Variants in NSD3 observed in about 807,000 individuals in gnomAD.
The protein encoded by NSD3 is histone-lysine N-methyltransferase NSD3.
A neutral mutation model predicts 160.8 loss-of-function variants in NSD3; 24 were observed. The ratio of observed to expected loss-of-function variants is 0.15; its 90% CI spans 0.11 to 0.21. The LOEUF (loss-of-function observed/expected upper bound fraction) is 0.21. Ranked by LOEUF, NSD3 falls within the 10% of genes least tolerant of loss-of-function variation. NSD3 has a pLI of 1.00. For synonymous variants in NSD3, 520 were observed against 600.0 expected (o/e 0.87, Z 1.95); for missense variants, 1,157 against 1,735.9 (o/e 0.67, Z 5.93).
At chr8:38,373,172 T>C (rs1811299216) in intron 1 of NSD3, among the ~76,000 whole-genome samples, 2 of 152,148 alleles carry the variant, frequency 1.3e-5, no homozygotes, top group African/African-American at 4.8e-5. Flanking sequence ...AGGTTGTCTC[T>C]GCAGCTTTTC....
chr8:38,313,062 C>T (rs2131018328), intron 12 of NSD3, among the ~76,000 whole-genome samples: 1 of 152,208 alleles, frequency 6.6e-6, no homozygotes, highest in South Asian at 2.1e-4. Context: ...ATAATATGAC[C>T]CCGGGGCTGC....
At chr8:38,367,763 C>A (rs1318302846) in intron 1 of NSD3, among the ~76,000 whole-genome samples, 1 of 152,040 alleles carries the variant, frequency 6.6e-6, no homozygotes, top group Admixed American at 6.6e-5. Flanking sequence ...ATCACCTTAA[C>A]ATTATTTAAG....
chr8:38,372,848 C>A lies in NSD3; in HGVS notation c.-45+8951G>T, dbSNP rs540679809. The stretch of plus-strand genomic sequence containing the variant: ...AAAAAAAACCACCAGCCGGGCGCGG[C>A]GGTTCACGCCTGGCCAATATAGCGA... On this transcript the variant is annotated intron_variant, in intron 1 of 23. Transcript: ENST00000317025. Among the ~76,000 whole-genome samples, 93 of 148,512 alleles carry A rather than the reference C, an allele frequency of 6.3e-4. 2 individuals carry two copies. The South Asian group carries it at 0.018, about 29-fold the overall frequency.
chr8:38,338,746 G>T (rs943921533), intron 2 of NSD3, 139 bp from the exon 3 acceptor site: 1 of 679,382 alleles, frequency 1.5e-6, no homozygotes, highest in African/African-American at 1.8e-5. Flanking sequence ...ACAATGTAAG[G>T]AGTAAGAATA....
At chr8:38,339,303 A>G (rs563102111) in intron 2 of NSD3, among the ~76,000 whole-genome samples, 1 of 152,320 alleles carries the variant, frequency 6.6e-6, no homozygotes, top group East Asian at 1.9e-4. Flanking sequence ...AAAACATTAA[A>G]TTTTCAGACT....
intron 1 of NSD3, among the ~76,000 whole-genome samples, chr8:38,360,755 TA>T (rs1007702189): frequency 1.7e-4 from 25 of 150,462 alleles, no homozygotes; most frequent in Admixed American, 2.0e-4. Flanking sequence ...TCTGCTTGCT[TA>T]AAAAAAAAAT....
chr8:38,319,152 C>G lies in NSD3; in HGVS notation c.1810-212G>C. The G allele has an allele frequency of 1.9e-6, 1 of 522,582 alleles. No homozygotes were observed. The highest frequency in any genetic ancestry group is 3.4e-6 in the Non-Finnish European group (1 of 292,870). 32.4% of individuals were successfully genotyped at this position (522,582 alleles called of 1,614,324 possible). A position where few individuals can be genotyped will look rare whatever the true frequency, so the allele number is the denominator to read the frequency against. Reference sequence around the variant, plus strand: ...GCCTGTGCTGAATATCAAGTGACAACACACAGCCACATGCTCTCTAGCAAA... The same window carrying G: ...GCCTGTGCTGAATATCAAGTGACAAGACACAGCCACATGCTCTCTAGCAAA... On this transcript the variant is annotated intron_variant, in intron 8 of 23. Transcript: ENST00000317025. The surrounding 1 kb of genome is among the most constrained non-coding windows in gnomAD (Gnocchi z 4.1).
Position 38,348,060 on chromosome 8 carries a change from T to G in NSD3, c.112A>C (p.Ser38Arg). 1.2e-6 allele frequency: 2 copies of G among 1,614,194 alleles called. No homozygotes were observed. Among genetic ancestry groups the G allele is most frequent in the Non-Finnish European group, 1.7e-6 (2 of 1,180,032 alleles). ...TGGCCACCATCTTCAGCAATGTCAC[T>G]GTTGTTATCAAAGGCATCCTCCTGA... ...IRQEDAFDNNSDIAEDGGQTP... is the reference protein window; with the variant it reads ...IRQEDAFDNNRDIAEDGGQTP... The change falls in exon 2 of 24, where the codon AGT becomes CGT. Residue 38 changes from serine (S) to arginine (R), a missense_variant. Ser to Arg is a moderately radical substitution (Grantham distance 110, BLOSUM62 -1). Transcript: ENST00000317025.
intron 12 of NSD3, among the ~76,000 whole-genome samples, chr8:38,311,420 G>A (rs182090818): frequency 3.3e-5 from 5 of 151,998 alleles, no homozygotes; most frequent in Admixed American, 1.3e-4. Context: ...CTCTGCCTCC[G>A]AGGTTCAACG....
rs201914561 is a variant in NSD3, at chr8:38,281,516, C to T, written c.3569G>A (p.Arg1190Gln). Reference sequence around the variant, plus strand: ...ATTAGTTACACTGTTCTCGTGGGCTCGCTTGATTCGCAATCTGCATTCTTC... The same window carrying T: ...ATTAGTTACACTGTTCTCGTGGGCTTGCTTGATTCGCAATCTGCATTCTTC... ...DEEECRLRIK[R>Q]AHENSVTNFY... The change falls in exon 20 of 24, where the codon CGA becomes CAA. Residue 1190 changes from arginine (R) to glutamine (Q), a missense_variant. Transcript: ENST00000317025. 2.4e-5 allele frequency: 38 copies of T among 1,604,002 alleles called. No homozygotes were observed. The highest frequency in any genetic ancestry group is 1.7e-4 in the Middle Eastern group (1 of 6,032).
rs1810572345 is a variant in NSD3 at position 38,347,763 on chromosome 8, G to A, written c.409C>T (p.Pro137Ser). The change falls in exon 2 of 24, where the codon CCT becomes TCT. Residue 137 changes from proline to serine, a missense_variant. By Grantham distance (74) the Pro-to-Ser change is moderately conservative (BLOSUM62 -1). Around this residue, in one of 10 missense-constraint regions of NSD3, gnomAD observed 121 missense variants for 177.2 expected, o/e 0.68. Coordinates refer to ENST00000317025, the MANE Select transcript of NSD3 (RefSeq NM_023034.2). ...KPSPPQPPPP[P>S]SVPQTVIPKK... ...GGAATCACAGTTTGTGGTACCGAAG[G>A]AGGAGGTGGTGGCTGTGGAGGGGAA... 1 of 1,613,228 alleles carries A rather than the reference G, an allele frequency of 6.2e-7. No homozygotes were observed. The highest frequency in any genetic ancestry group is 8.5e-7 in the Non-Finnish European group (1 of 1,180,028).
At chr8:38,338,039 C>T (rs549342467) in intron 3 of NSD3, among the ~76,000 whole-genome samples, 5 of 152,084 alleles carry the variant, frequency 3.3e-5, no homozygotes, top group Admixed American at 6.5e-5. Context: ...CGGTGGCTCA[C>T]GCCTGTAATC....
At chr8:38,372,934 G>A (rs138062971) in intron 1 of NSD3, among the ~76,000 whole-genome samples, 1 of 149,576 alleles carries the variant, frequency 6.7e-6, no homozygotes, top group Non-Finnish European at 1.5e-5. Flanking sequence ...ACCTGTAGTC[G>A]AGCTACTCGG....
At chr8:38,309,569 C>A (rs544472682) in intron 12 of NSD3, among the ~76,000 whole-genome samples, 10 of 152,126 alleles carry the variant, frequency 6.6e-5, no homozygotes, top group Non-Finnish European at 1.3e-4. Context: ...GGGAGGATCA[C>A]CTGAGCCTGG....
At chr8:38,311,052 C>T in intron 12 of NSD3, among the ~76,000 whole-genome samples, 2 of 143,978 alleles carry the variant, frequency 1.4e-5, no homozygotes, top group South Asian at 2.2e-4. Context: ...CTCATTGTGG[C>T]TTTGATTTGC....
Position 38,323,117 on chromosome 8 carries a change from C to T in NSD3, c.1709-1945G>A, listed in dbSNP as rs111402584. Among the ~76,000 whole-genome samples, 935 of 152,200 alleles carry T rather than the reference C, an allele frequency of 6.1e-3. 8 individuals carry two copies. The highest frequency in any genetic ancestry group is 0.02 in the African/African-American group (833 of 41,534). On this transcript the variant is annotated intron_variant, in intron 7 of 23. Transcript: ENST00000317025. ...TCACCCAGGCTGGAGTGCAATGGCG[C>T]GATCTTGGCTCACTGCAACCTCCGC...
intron 21 of NSD3, 151 bp from the exon 22 acceptor site, chr8:38,278,563 G>T: frequency 1.6e-6 from 1 of 611,676 alleles, no homozygotes; most frequent in Non-Finnish European, 2.7e-6. Flanking sequence ...AACAGTGATG[G>T]TAAAAAAAGA....
intron 16 of NSD3, among the ~76,000 whole-genome samples, chr8:38,293,463 T>C (rs1299121110): frequency 6.6e-6 from 1 of 150,882 alleles, no homozygotes; most frequent in Non-Finnish European, 1.5e-5. Context: ...GGCAGGACAA[T>C]TGCTTGAATC....
intron 2 of NSD3, among the ~76,000 whole-genome samples, chr8:38,341,655 G>T (rs1810369925): frequency 6.6e-6 from 1 of 152,070 alleles, no homozygotes; most frequent in Admixed American, 6.6e-5. Flanking sequence ...GATACCTGAG[G>T]TTAAAAACGG....
Sources: gnomAD v4.1 joint callset for allele counts (sites outside exome capture counted in the v4.1 genomes callset) on GRCh38, gnomAD v4.1.1 for gene constraint, gnomAD v4.1.1 regional missense constraint, Gnocchi (gnomAD v3.1) non-coding constraint, MANE v1.5 for transcripts, NCBI Gene and HGNC (gene_info 2026-07-23, HGNC 2026-07-21) for gene names.